Variants in TCF7L1 observed in about 807,000 individuals in gnomAD.
TCF7L1 encodes transcription factor 7-like 1.
TCF7L1 carries 18 observed loss-of-function variants against 63.7 expected under a neutral mutation model. The ratio of observed to expected loss-of-function variants is 0.28; its 90% CI spans 0.20 to 0.42. The LOEUF (loss-of-function observed/expected upper bound fraction) is 0.42, where lower values mean the gene tolerates loss of function less well. TCF7L1 is among the 10% of genes least tolerant of loss of function. The probability of loss-of-function intolerance (pLI) is 1.00; values close to 1 mark genes in which losing one functional copy is unlikely to be tolerated. For synonymous variants in TCF7L1, 355 were observed against 340.9 expected (o/e 1.04, Z -0.46); for missense variants, 654 against 779.3 (o/e 0.84, Z 1.91).
chr2:85,294,083 C>T (rs1681790876), intron 4 of TCF7L1, among the ~76,000 whole-genome samples: 1 of 114,572 alleles, frequency 8.7e-6, no homozygotes, highest in African/African-American at 3.9e-5. Context: ...GTCGCCCAGG[C>T]TGGAGTGCAG....
intron 3 of TCF7L1, among the ~76,000 whole-genome samples, chr2:85,160,573 T>C (rs1678261626): frequency 6.6e-6 from 1 of 152,052 alleles, no homozygotes. Flanking sequence ...AGAAGCAGGC[T>C]GGGTGCAGTG....
chr2:85,211,256 G>A (rs530758758), intron 3 of TCF7L1, among the ~76,000 whole-genome samples: 2 of 152,300 alleles, frequency 1.3e-5, no homozygotes, highest in South Asian at 2.1e-4. Flanking sequence ...GAACCACCAC[G>A]ATGGAGACTA....
In TCF7L1 at chr2:85,153,632, CA is replaced by C. The variant is rs1678075043; in HGVS notation, c.441+19183del. Among the ~76,000 whole-genome samples, 7 of 152,270 alleles carry C rather than the reference CA, an allele frequency of 4.6e-5. No homozygotes were observed. In the South Asian group the frequency reaches 6.2e-4, roughly 14 times the overall value. ...CTGGGATTACAGGCGTGAGCCACTG[CA>C]CCCGGCTAGCCTCTATAAAATTTAA... On this transcript the variant is annotated intron_variant, in intron 3 of 11. Transcript: ENST00000282111.
At chr2:85,221,802 ATAAAG>A (rs767822002) in intron 3 of TCF7L1, among the ~76,000 whole-genome samples, 8 of 152,188 alleles carry the variant, frequency 5.3e-5, no homozygotes, top group Non-Finnish European at 1.2e-4. Context: ...CCTAAATAAA[ATAAAG>A]TAAAATAACA....
At chr2:85,264,994 C>A (rs1011546039) in intron 3 of TCF7L1, among the ~76,000 whole-genome samples, 1 of 152,102 alleles carries the variant, frequency 6.6e-6, no homozygotes, top group Non-Finnish European at 1.5e-5. Context: ...GAAACTTCCA[C>A]CTTGAGCCTT....
intron 10 of TCF7L1, among the ~76,000 whole-genome samples, chr2:85,307,273 T>C (rs1239595698): frequency 6.6e-6 from 1 of 152,184 alleles, no homozygotes; most frequent in East Asian, 1.9e-4. Context: ...CTTTGCTTTT[T>C]TTCTGGTAAG....
chr2:85,240,025 C>G (rs1197113196), intron 3 of TCF7L1, among the ~76,000 whole-genome samples: 1 of 151,170 alleles, frequency 6.6e-6, no homozygotes, highest in Non-Finnish European at 1.5e-5. Flanking sequence ...TCTTATGTAA[C>G]CCAATTCATC....
At chr2:85,147,513 T>A (rs1196634775) in intron 3 of TCF7L1, among the ~76,000 whole-genome samples, 1 of 151,858 alleles carries the variant, frequency 6.6e-6, no homozygotes, top group African/African-American at 2.4e-5. Context: ...GGGAGGGGAC[T>A]CCTGGCTCTT....
At position 85,298,239 on chromosome 2, in the gene TCF7L1, T is replaced by TC. The variant is rs1681880097; in HGVS notation, c.526-4242dup. Among the ~76,000 whole-genome samples, 4 of 139,786 alleles carry TC rather than the reference T, an allele frequency of 2.9e-5. No individual in the cohort carries two copies. In the Admixed American group the frequency reaches 3.0e-4, roughly 10 times the overall value. 91.7% of individuals were successfully genotyped at this position (139,786 alleles called of 152,430 possible). A position where few individuals can be genotyped will look rare whatever the true frequency, so the allele number is the denominator to read the frequency against. On this transcript the variant is annotated intron_variant, in intron 4 of 11. Coordinates refer to ENST00000282111, the MANE Select transcript of TCF7L1 (RefSeq NM_031283.3). The stretch of plus-strand genomic sequence containing the variant: ...CCGGGCGCGGTGGCTCACGCCTGTA[T>TC]CCCAGCACTTTGGGAGGTTGAGGTG...
At chr2:85,185,137 G>A (rs776576578) in intron 3 of TCF7L1, among the ~76,000 whole-genome samples, 3 of 152,150 alleles carry the variant, frequency 2.0e-5, no homozygotes, top group Admixed American at 6.5e-5. Flanking sequence ...AGGACTTAGC[G>A]ACGCCTGAGA....
chr2:85,173,176 T>C (rs1396368476), intron 3 of TCF7L1, among the ~76,000 whole-genome samples: 1 of 152,260 alleles, frequency 6.6e-6, no homozygotes, highest in Admixed American at 6.5e-5. Context: ...CAAGCTTGTC[T>C]TCTCCCCATC....
Position 85,196,587 on chromosome 2 carries a change from AT to A in TCF7L1, c.441+62139del, listed in dbSNP as rs1389663593. Among the ~76,000 whole-genome samples the A allele has an allele frequency of 9.2e-5, 14 of 151,418 alleles. No homozygotes were observed. In the East Asian group the frequency reaches 2.5e-3, roughly 27 times the overall value. On this transcript the variant is annotated intron_variant, in intron 3 of 11. Transcript: ENST00000282111. ...GTCTCACTATGTTGCCCAGGCTGGT[AT>A]TAAACGTTTGACCCCAAGTGATGCT...
At chr2:85,270,624 C>T (rs1054854185) in intron 3 of TCF7L1, among the ~76,000 whole-genome samples, 3 of 152,150 alleles carry the variant, frequency 2.0e-5, no homozygotes, top group Non-Finnish European at 2.9e-5. Context: ...GCCACAAGCA[C>T]GGAGGGATGG....
intron 3 of TCF7L1, among the ~76,000 whole-genome samples, chr2:85,260,233 C>T (rs184487480): frequency 6.6e-6 from 1 of 152,320 alleles, no homozygotes; most frequent in African/African-American, 2.4e-5. Context: ...GAACCAGATG[C>T]TTCTGGGTGC....
intron 3 of TCF7L1, among the ~76,000 whole-genome samples, chr2:85,155,598 T>G (rs1678125372): frequency 6.6e-6 from 1 of 152,206 alleles, no homozygotes. Context: ...GTACTTCATT[T>G]TCAAGTACAA....
intron 3 of TCF7L1, among the ~76,000 whole-genome samples, chr2:85,207,155 T>C (rs1452006906): frequency 3.3e-5 from 5 of 152,262 alleles, no homozygotes; most frequent in Non-Finnish European, 7.3e-5. Context: ...GCAAACATTT[T>C]AAGTTTGTTC....
intron 4 of TCF7L1, among the ~76,000 whole-genome samples, chr2:85,292,491 A>T (rs923338337): frequency 3.9e-5 from 6 of 152,258 alleles, no homozygotes; most frequent in Non-Finnish European, 8.8e-5. Flanking sequence ...CCCACATGGC[A>T]GGTTTTGGGT....
Position 85,268,471 on chromosome 2 carries a change from C to CT in TCF7L1, c.442-15005dup, listed in dbSNP as rs554305734. Among the ~76,000 whole-genome samples, 395 of 134,802 alleles carry CT rather than the reference C, an allele frequency of 2.9e-3. 8 individuals are homozygous for CT. The highest frequency in any genetic ancestry group is 5.2e-3 in the East Asian group (24 of 4,618). 88.4% of individuals were successfully genotyped at this position (134,802 alleles called of 152,430 possible). ...CCAAAGGGCGAATAAGATTGGATGC[C>CT]TTTTTTTTTTTTTTTTTTTGAGACG... On this transcript the variant is annotated intron_variant, in intron 3 of 11. Transcript: ENST00000282111.
At chr2:85,238,876 G>C (rs1057275281) in intron 3 of TCF7L1, among the ~76,000 whole-genome samples, 1 of 150,728 alleles carries the variant, frequency 6.6e-6, no homozygotes, top group African/African-American at 2.4e-5. Flanking sequence ...CTGGAGTGTC[G>C]TGGCGCAATT....
Sources: allele counts gnomAD v4.1 joint callset (sites outside exome capture counted in the v4.1 genomes callset), GRCh38; gene constraint gnomAD v4.1.1; transcripts MANE v1.5; gene names NCBI Gene and HGNC (gene_info 2026-07-23, HGNC 2026-07-21).